The following CHRM3 variants were observed in gnomAD, a reference collection of about 807,000 sequenced individuals.
CHRM3 encodes the protein muscarinic acetylcholine receptor M3.
Under a neutral mutation model 41.8 loss-of-function variants are expected in CHRM3, and 11 were observed. The ratio of observed to expected loss-of-function variants is 0.26; its 90% CI spans 0.17 to 0.44. The LOEUF is 0.44. Ranked by LOEUF, CHRM3 falls within the 20% of genes least tolerant of loss-of-function variation. The pLI is 1.00. For synonymous variants in CHRM3, 297 were observed against 301.4 expected (o/e 0.99, Z 0.15); for missense variants, 571 against 745.4 (o/e 0.77, Z 2.72).
intron 3 of CHRM3, among the ~76,000 whole-genome samples, chr1:239,568,831 G>A (rs190685633): frequency 6.6e-6 from 1 of 152,218 alleles, no homozygotes; most frequent in East Asian, 1.9e-4. Context: ...ACAGGGACAA[G>A]GTCTCTACTC....
At chr1:239,585,141 T>C (rs1663283833) in intron 3 of CHRM3, among the ~76,000 whole-genome samples, 1 of 151,740 alleles carries the variant, frequency 6.6e-6, no homozygotes, top group South Asian at 2.1e-4. Flanking sequence ...ATATATATAC[T>C]TTTAGGCACA....
At chr1:239,760,978 C>T (rs138090370) in intron 5 of CHRM3, among the ~76,000 whole-genome samples, 7 of 61,034 alleles carry the variant, frequency 1.1e-4, no homozygotes, top group Non-Finnish European at 2.1e-4. Flanking sequence ...CCTCTCCCCT[C>T]GCCCAAACCA....
chr1:239,675,589 T>G (rs1009985291), intron 4 of CHRM3, among the ~76,000 whole-genome samples: 3 of 152,228 alleles, frequency 2.0e-5, no homozygotes, highest in Non-Finnish European at 4.4e-5. Context: ...CTTGAGGGAA[T>G]TTGTAGCAGA....
chr1:239,707,924 A>G (rs1435106094), intron 5 of CHRM3, among the ~76,000 whole-genome samples: 1 of 152,226 alleles, frequency 6.6e-6, no homozygotes, highest in African/African-American at 2.4e-5. Context: ...TATGATACAG[A>G]TTAAATTCAT....
chr1:239,765,875 G>A (rs1667163233), intron 5 of CHRM3, among the ~76,000 whole-genome samples: 1 of 149,034 alleles, frequency 6.7e-6, no homozygotes, highest in Non-Finnish European at 1.5e-5. Context: ...GGAGTGCAAT[G>A]GTGTAATCTT....
At chr1:239,794,898 C>T (rs1669647306) in intron 5 of CHRM3, among the ~76,000 whole-genome samples, 1 of 152,128 alleles carries the variant, frequency 6.6e-6, no homozygotes, top group Non-Finnish European at 1.5e-5. Flanking sequence ...TTATGTTGGT[C>T]ACTTAACAGT....
rs375478707 is a variant in CHRM3 at position 239,393,893 on chromosome 1, G to C, written c.-521+6666G>C. Among the ~76,000 whole-genome samples, 7 of 152,270 alleles carry C rather than the reference G, an allele frequency of 4.6e-5. No individual in the cohort carries two copies. The East Asian group carries it at 7.7e-4, about 17-fold the overall frequency. On this transcript the variant is annotated intron_variant, in intron 1 of 6. Coordinates refer to ENST00000676153, the MANE Select transcript of CHRM3 (RefSeq NM_001375978.1). ...TAATAAATACATGTTTGAGTAGAAT[G>C]AGTAAATGACTCAATCATTCCATCT...
chr1:239,807,215 T>C (rs1038280767), intron 5 of CHRM3, among the ~76,000 whole-genome samples: 16 of 152,202 alleles, frequency 1.1e-4, no homozygotes, highest in Non-Finnish European at 1.9e-4. Context: ...TGCAGTTTCT[T>C]TTTACTTCAT....
chr1:239,541,121 G>C (rs1658735018), intron 2 of CHRM3, among the ~76,000 whole-genome samples: 2 of 152,088 alleles, frequency 1.3e-5, no homozygotes, highest in African/African-American at 4.8e-5. Flanking sequence ...TGTGGAGTTT[G>C]CACAAACTCC....
chr1:239,642,831 G>A (rs1237272441), intron 4 of CHRM3, among the ~76,000 whole-genome samples: 1 of 152,196 alleles, frequency 6.6e-6, no homozygotes, highest in Non-Finnish European at 1.5e-5. Flanking sequence ...CTTTGGAGGA[G>A]GAGAGGCGCT....
intron 6 of CHRM3, among the ~76,000 whole-genome samples, chr1:239,887,874 A>G (rs1050780593): frequency 2.6e-5 from 4 of 152,142 alleles, no homozygotes; most frequent in Non-Finnish European, 5.9e-5. Flanking sequence ...ATAATTTTGT[A>G]TTTATTTTGT....
intron 5 of CHRM3, among the ~76,000 whole-genome samples, chr1:239,797,271 G>A (rs1320840004): frequency 6.6e-6 from 1 of 152,100 alleles, no homozygotes; most frequent in Non-Finnish European, 1.5e-5. Flanking sequence ...TTTGGGCAAT[G>A]AGTTCCATAG....
At chr1:239,403,940 GGAGA>G (rs1411998706) in intron 1 of CHRM3, among the ~76,000 whole-genome samples, 2 of 133,598 alleles carry the variant, frequency 1.5e-5, no homozygotes, top group Admixed American at 8.2e-5. Flanking sequence ...GGAAGGAGGG[GGAGA>G]GAGAGAGGGA....
intron 5 of CHRM3, among the ~76,000 whole-genome samples, chr1:239,773,276 T>A (rs2148742084): frequency 6.6e-6 from 1 of 152,312 alleles, no homozygotes; most frequent in Non-Finnish European, 1.5e-5. Context: ...GCTTTTTACA[T>A]TGTTCATCGA....
At chr1:239,637,772 T>A (rs1006999229) in intron 4 of CHRM3, among the ~76,000 whole-genome samples, 1 of 150,802 alleles carries the variant, frequency 6.6e-6, no homozygotes, top group Non-Finnish European at 1.5e-5. Flanking sequence ...AATTTAATTT[T>A]ATTATTATTA....
chr1:239,791,896 T>TA (rs1669383487), intron 5 of CHRM3, among the ~76,000 whole-genome samples: 3 of 152,212 alleles, frequency 2.0e-5, no homozygotes, highest in Non-Finnish European at 4.4e-5. Context: ...GATTGGCAGA[T>TA]ACAAGACCTA....
intron 5 of CHRM3, among the ~76,000 whole-genome samples, chr1:239,797,230 A>G (rs1030576994): frequency 1.3e-5 from 2 of 152,176 alleles, no homozygotes; most frequent in African/African-American, 4.8e-5. Context: ...GGCAAGGGCT[A>G]AAACATTACC....
intron 5 of CHRM3, among the ~76,000 whole-genome samples, chr1:239,757,127 C>T (rs1166731255): frequency 6.6e-6 from 1 of 152,086 alleles, no homozygotes; most frequent in Non-Finnish European, 1.5e-5. Flanking sequence ...TTGAGAATTT[C>T]AAGACAAATG....
chr1:239,882,088 A>G (rs1284850039), intron 6 of CHRM3, among the ~76,000 whole-genome samples: 2 of 151,880 alleles, frequency 1.3e-5, no homozygotes, highest in Non-Finnish European at 1.5e-5. Context: ...GTATTTTTTT[A>G]GTAGAGATGG....
Sources: gnomAD v4.1 joint callset for allele counts (sites outside exome capture counted in the v4.1 genomes callset) on GRCh38, gnomAD v4.1.1 for gene constraint, MANE v1.5 for transcripts, NCBI Gene and HGNC (gene_info 2026-07-23, HGNC 2026-07-21) for gene names.